The following DLGAP1 variants were observed in gnomAD, a reference collection of about 807,000 sequenced individuals.
DLGAP1 encodes disks large-associated protein 1.
Under a neutral mutation model 90.8 loss-of-function variants are expected in DLGAP1, and 11 were observed. That is an observed-to-expected ratio of 0.12 (90% CI 0.08 to 0.20). The LOEUF (loss-of-function observed/expected upper bound fraction) is 0.20, where lower values mean the gene tolerates loss of function less well. Among genes scored for constraint, DLGAP1 ranks in the 10% least tolerant of loss-of-function variants. The pLI is 1.00. For missense variants in DLGAP1, 1,050 were observed against 1,333.8 expected (o/e 0.79, Z 3.31); for synonymous variants, 558 against 540.7 (o/e 1.03, Z -0.44).
intron 8 of DLGAP1, among the ~76,000 whole-genome samples, chr18:3,577,757 G>A (rs185116346): frequency 3.6e-4 from 54 of 151,784 alleles, no homozygotes; most frequent in Admixed American, 2.0e-3. Context: ...AAATTTATCT[G>A]TGATTTTTTA....
rs758766929 is a variant in DLGAP1, at chr18:3,880,113, A to G, written c.-45T>C. 71 of 1,570,042 alleles carry G rather than the reference A, an allele frequency of 4.5e-5. No individual in the cohort carries two copies. Among genetic ancestry groups the G allele is most frequent in the Non-Finnish European group, 5.4e-5 (63 of 1,156,438 alleles). On this transcript the variant is annotated 5_prime_UTR_variant, in exon 4 of 13. The change abolishes the stop of an existing upstream ORF in the 5' untranslated region. Transcript: ENST00000315677. Reference sequence around the variant, plus strand: ...CCAGGGTCATGGACACCCGGAAGTCAGGCTCCAGACCCGTCTTGGGCAGGG... The same window carrying G: ...CCAGGGTCATGGACACCCGGAAGTCGGGCTCCAGACCCGTCTTGGGCAGGG...
chr18:4,299,104 A>C (rs1784719), intron 1 of DLGAP1, among the ~76,000 whole-genome samples: 102,907 of 131,724 alleles, frequency 0.78, 40,755 homozygotes, highest in East Asian at 0.92. Context: ...AAAAAAAAAA[A>C]AAAAAATAGA....
chr18:3,603,516 T>C (rs1326571728), intron 7 of DLGAP1: 3 of 152,140 alleles, frequency 2.0e-5, no homozygotes, highest in Non-Finnish European at 1.5e-5. Flanking sequence ...CACGTGATGG[T>C]CAAGAAAAGA....
chr18:4,181,882 G>A (rs1192161050), intron 1 of DLGAP1, among the ~76,000 whole-genome samples: 2 of 152,074 alleles, frequency 1.3e-5, no homozygotes, highest in Non-Finnish European at 2.9e-5. Context: ...AAATATGGGA[G>A]CTGTTTTCTT....
intron 9 of DLGAP1, among the ~76,000 whole-genome samples, chr18:3,561,168 C>T (rs2054069637): frequency 6.7e-6 from 1 of 148,654 alleles, no homozygotes; most frequent in African/African-American, 2.6e-5. Flanking sequence ...ATAATTTCAG[C>T]ACTTTGGGAG....
At chr18:4,320,150 T>C (rs2080641948) in intron 1 of DLGAP1, among the ~76,000 whole-genome samples, 1 of 152,188 alleles carries the variant, frequency 6.6e-6, no homozygotes, top group Admixed American at 6.5e-5. Context: ...AAGGAGGCAA[T>C]TATGAGAAAG....
At chr18:4,226,628 T>C (rs947877692) in intron 1 of DLGAP1, among the ~76,000 whole-genome samples, 2 of 151,036 alleles carry the variant, frequency 1.3e-5, no homozygotes, top group African/African-American at 2.4e-5. Flanking sequence ...GTTAAGACAT[T>C]ATCTGTTTAA....
At chr18:3,793,870 T>C (rs57048583) in intron 5 of DLGAP1, among the ~76,000 whole-genome samples, 1,929 of 152,270 alleles carry the variant, frequency 0.013, 50 homozygotes, top group African/African-American at 0.044. Context: ...CCTGCTTAAC[T>C]TTTTCCTTCT....
intron 7 of DLGAP1, among the ~76,000 whole-genome samples, chr18:3,671,422 T>A (rs914524081): frequency 3.3e-5 from 5 of 152,240 alleles, no homozygotes; most frequent in Admixed American, 6.5e-5. Flanking sequence ...TATTGCTGTA[T>A]CCTCAGGAGC....
intron 1 of DLGAP1, among the ~76,000 whole-genome samples, chr18:4,211,634 G>C (rs1384788212): frequency 6.6e-6 from 1 of 152,130 alleles, no homozygotes; most frequent in Non-Finnish European, 1.5e-5. Context: ...GAAAGGGTTT[G>C]ATGGTGAGTC....
At chr18:4,138,399 CT>C (rs1233517959) in intron 2 of DLGAP1, among the ~76,000 whole-genome samples, 1 of 151,698 alleles carries the variant, frequency 6.6e-6, no homozygotes, top group Non-Finnish European at 1.5e-5. Flanking sequence ...CCTTAATTCT[CT>C]TTATATTAAG....
At chr18:3,837,987 G>A (rs888435440) in intron 4 of DLGAP1, among the ~76,000 whole-genome samples, 5 of 151,016 alleles carry the variant, frequency 3.3e-5, no homozygotes, top group African/African-American at 9.7e-5. Context: ...CTAATGGATG[G>A]CATCTAATGT....
intron 1 of DLGAP1, among the ~76,000 whole-genome samples, chr18:4,152,511 T>C (rs2076691721): frequency 6.6e-6 from 1 of 152,216 alleles, no homozygotes; most frequent in Non-Finnish European, 1.5e-5. Flanking sequence ...TCAGTCTCTT[T>C]AGAAACTCAC....
At chr18:3,938,183 C>A (rs1388853116) in intron 3 of DLGAP1, among the ~76,000 whole-genome samples, 19 of 152,080 alleles carry the variant, frequency 1.2e-4, no homozygotes, top group Admixed American at 1.2e-3. Flanking sequence ...GGGCTATTGG[C>A]CCAGTCATTG....
chr18:4,389,817 C>G (rs2082304852), intron 1 of DLGAP1, among the ~76,000 whole-genome samples: 1 of 152,178 alleles, frequency 6.6e-6, no homozygotes, highest in Non-Finnish European at 1.5e-5. Context: ...TGTTGGCACA[C>G]AATGACGTCT....
At chr18:4,021,878 C>T (rs1415892305) in intron 2 of DLGAP1, among the ~76,000 whole-genome samples, 2 of 152,164 alleles carry the variant, frequency 1.3e-5, no homozygotes, top group Non-Finnish European at 2.9e-5. Context: ...GGATTACAGG[C>T]GTGAGCCACT....
At chr18:3,921,932 A>C (rs145829792) in intron 3 of DLGAP1, among the ~76,000 whole-genome samples, 1 of 152,304 alleles carries the variant, frequency 6.6e-6, no homozygotes, top group East Asian at 1.9e-4. Context: ...GTTCAGGAAG[A>C]GTGCTCTATT....
At chr18:3,604,809 C>T (rs1210484255) in intron 7 of DLGAP1, among the ~76,000 whole-genome samples, 1 of 152,170 alleles carries the variant, frequency 6.6e-6, no homozygotes, top group Non-Finnish European at 1.5e-5. Flanking sequence ...CATGCAGTTT[C>T]ACCATTTAGA....
intron 1 of DLGAP1, among the ~76,000 whole-genome samples, chr18:4,299,700 CA>C (rs202049582): frequency 5.3e-5 from 8 of 151,300 alleles, no homozygotes; most frequent in African/African-American, 9.7e-5. Flanking sequence ...AAAACACACA[CA>C]AAAAAAACAA....
Sources: allele counts gnomAD v4.1 joint callset (sites outside exome capture counted in the v4.1 genomes callset), GRCh38; gene constraint gnomAD v4.1.1; transcripts MANE v1.5; gene names NCBI Gene and HGNC (gene_info 2026-07-23, HGNC 2026-07-21).